Variants in TMEM120B observed in about 807,000 individuals in gnomAD.
TMEM120B encodes the protein transmembrane protein 120B.
Under a neutral mutation model 55.5 loss-of-function variants are expected in TMEM120B, and 31 were observed. That is an observed-to-expected ratio of 0.56 (90% confidence interval 0.42 to 0.75). The LOEUF (loss-of-function observed/expected upper bound fraction) is 0.75. TMEM120B is among the 30% of genes least tolerant of loss of function. TMEM120B has a pLI of 0.00. For missense variants in TMEM120B, 399 were observed against 425.5 expected (o/e 0.94, Z 0.55); for synonymous variants, 203 against 176.3 (o/e 1.15, Z -1.20).
rs1009663572 is a variant in TMEM120B, at chr12:121,761,812, G to A, written c.551+74G>A. On this transcript the variant is annotated intron_variant, in intron 6 of 11. Transcript: ENST00000449592. ...AATGTCACGAGGGGCGTCAGATGGG[G>A]GCCGACACCCTCAGGCTGCATTCCT... is the stretch of plus-strand genomic sequence containing the variant. 4.2e-6 allele frequency: 5 copies of A among 1,192,128 alleles called. No homozygotes were observed. The South Asian group carries it at 4.9e-5, about 12-fold the overall frequency. 73.8% of individuals were successfully genotyped at this position (1,192,128 alleles called of 1,614,324 possible). A position where few individuals can be genotyped will look rare whatever the true frequency, so the allele number is the denominator to read the frequency against.
intron 1 of TMEM120B, among the ~76,000 whole-genome samples, chr12:121,726,044 A>AAC (rs1555330123): frequency 4.7e-5 from 7 of 150,028 alleles, no homozygotes; most frequent in Admixed American, 6.7e-5. Flanking sequence ...TCAAAAAAAA[A>AAC]AAAACAAAAA....
At position 121,780,679 on chromosome 12, in the gene TMEM120B, T is replaced by A. The variant is rs1874417780; in HGVS notation, c.*4957T>A. ...GATGTGAACAGCGCCTGCCTCCGAG[T>A]CCTAAGGATTGGGAGTAGTCGTGTA... On this transcript the variant is annotated 3_prime_UTR_variant, in exon 12 of 12. Coordinates refer to ENST00000449592, the MANE Select transcript of TMEM120B (RefSeq NM_001080825.2). 4.7e-6 allele frequency: 3 copies of A among 640,236 alleles called. No individual in the cohort carries two copies. The African/African-American group carries it at 5.5e-5, about 12-fold the overall frequency. 39.7% of individuals were successfully genotyped at this position (640,236 alleles called of 1,614,324 possible).
chr12:121,715,051 A>G (rs1894673801), intron 1 of TMEM120B, among the ~76,000 whole-genome samples: 1 of 152,008 alleles, frequency 6.6e-6, no homozygotes, highest in South Asian at 2.1e-4. Flanking sequence ...AACACTTCAG[A>G]GTGAGGCCCA....
At chr12:121,741,376 CT>C (rs1468483789) in intron 1 of TMEM120B, among the ~76,000 whole-genome samples, 7 of 152,166 alleles carry the variant, frequency 4.6e-5, no homozygotes, top group Admixed American at 1.3e-4. Context: ...GTTGCCCAAG[CT>C]GGAGTGCAAT....
intron 8 of TMEM120B, among the ~76,000 whole-genome samples, chr12:121,772,167 T>C (rs987965345): frequency 1.3e-5 from 2 of 151,504 alleles, no homozygotes; most frequent in African/African-American, 4.9e-5. Context: ...CTTGCTCTGT[T>C]GCCCAGGCTG....
intron 1 of TMEM120B, among the ~76,000 whole-genome samples, chr12:121,735,697 T>C (rs1298713838): frequency 7.1e-6 from 1 of 139,874 alleles, no homozygotes. Flanking sequence ...GTGCCCGGCC[T>C]TTTTTTTTTT....
intron 6 of TMEM120B, among the ~76,000 whole-genome samples, chr12:121,769,501 T>C (rs1424461595): frequency 2.0e-5 from 3 of 152,068 alleles, no homozygotes; most frequent in African/African-American, 7.2e-5. Context: ...AGCCCAGGAA[T>C]TTGAGACCAG....
chr12:121,779,833 G>A lies in TMEM120B; in HGVS notation c.*4111G>A. On this transcript the variant is annotated 3_prime_UTR_variant, in exon 12 of 12. Coordinates refer to ENST00000449592, the MANE Select transcript of TMEM120B (RefSeq NM_001080825.2). ...CTCACAGTGTGTGGGTGGAATGGAG[G>A]GCCAGGGCAGTGCAGCCCGCAGGTT... 1 of 685,214 alleles carries A rather than the reference G, an allele frequency of 1.5e-6. No individual in the cohort carries two copies. The highest frequency in any genetic ancestry group is 2.4e-6 in the Non-Finnish European group (1 of 413,790). 42.4% of individuals were successfully genotyped at this position (685,214 alleles called of 1,614,324 possible). A position where few individuals can be genotyped will look rare whatever the true frequency, so the allele number is the denominator to read the frequency against.
chr12:121,757,144 G>C (rs547538003), intron 5 of TMEM120B, among the ~76,000 whole-genome samples: 13 of 151,170 alleles, frequency 8.6e-5, no homozygotes, highest in African/African-American at 1.7e-4. Flanking sequence ...GGGCGGTGGG[G>C]GGGGGGGGTG....
chr12:121,727,597 G>A (rs1039788662), intron 1 of TMEM120B, among the ~76,000 whole-genome samples: 2 of 151,162 alleles, frequency 1.3e-5, no homozygotes, highest in South Asian at 2.1e-4. Flanking sequence ...ACATTGGCCC[G>A]GTGCGGTGGC....
At chr12:121,772,442 T>C (rs1325957434) in intron 8 of TMEM120B, among the ~76,000 whole-genome samples, 11 of 143,966 alleles carry the variant, frequency 7.6e-5, no homozygotes, top group South Asian at 2.2e-4. Context: ...TTCTTTCTTT[T>C]TTTTTTTTTT....
At chr12:121,720,715 A>G (rs1894775846) in intron 1 of TMEM120B, among the ~76,000 whole-genome samples, 1 of 152,006 alleles carries the variant, frequency 6.6e-6, no homozygotes, top group South Asian at 2.1e-4. Context: ...ACTGTGTCTC[A>G]AAAGAAAAAA....
chr12:121,750,456 C>T lies in TMEM120B; in HGVS notation c.365+17C>T, dbSNP rs368957268. Reference sequence around the variant, plus strand: ...CCAGGCCAAGTAAGTGTCCCCCACCCACCACCCAGACCCACACCTCACACC... The same window carrying T: ...CCAGGCCAAGTAAGTGTCCCCCACCTACCACCCAGACCCACACCTCACACC... On this transcript the variant is annotated intron_variant, in intron 4 of 11. Coordinates refer to ENST00000449592, the MANE Select transcript of TMEM120B (RefSeq NM_001080825.2). 7.5e-6 allele frequency: 12 copies of T among 1,609,042 alleles called. No homozygotes were observed. The highest frequency in any genetic ancestry group is 1.1e-5 in the South Asian group (1 of 90,954).
At chr12:121,726,936 A>G (rs984287742) in intron 1 of TMEM120B, among the ~76,000 whole-genome samples, 1 of 139,082 alleles carries the variant, frequency 7.2e-6, no homozygotes, top group Non-Finnish European at 1.5e-5. Flanking sequence ...AAAAAAAAAA[A>G]GCTTCAGGCT....
At position 121,743,757 on chromosome 12, in the gene TMEM120B, G is replaced by A. The variant is rs754966056; in HGVS notation, c.188+10G>A. On this transcript the variant is annotated intron_variant, in intron 2 of 11. Coordinates refer to ENST00000449592, the MANE Select transcript of TMEM120B (RefSeq NM_001080825.2). ...AGCTTACACTCCAGAGGTAGGTGCA[G>A]CTGTAGCCCGGGGGCTGCCCTGGTT... The A allele has an allele frequency of 6.2e-6, 10 of 1,600,334 alleles. No homozygotes were observed. The highest frequency in any genetic ancestry group is 1.7e-5 in the Admixed American group (1 of 59,706).
chr12:121,773,489 A>C lies in TMEM120B; in HGVS notation c.748A>C (p.Arg250=), dbSNP rs746127444. The C allele has an allele frequency of 3.7e-6, 6 of 1,604,796 alleles. No homozygotes were observed. Among genetic ancestry groups the C allele is most frequent in the Non-Finnish European group, 5.1e-6 (6 of 1,175,174 alleles). The change falls in exon 9 of 12, where the codon AGG becomes CGG. Residue 250 remains arginine, a synonymous_variant. Transcript: ENST00000449592. ...CTACCGGCTGCGGGCCCTGGGGGAG[A>C]GGAACCACCTGGATCTCACAGTGGG... ...CLYRLRALGE[R]NHLDLTVEGF...
chr12:121,748,273 C>T, intron 2 of TMEM120B, 53 bp from the exon 3 acceptor site: 3 of 1,426,382 alleles, frequency 2.1e-6, no homozygotes, highest in East Asian at 2.3e-5. Flanking sequence ...AGTCCATAGC[C>T]CTCCTCCCTC....
At position 121,773,532 on chromosome 12, in the gene TMEM120B, G is replaced by T. The variant is rs762567893; in HGVS notation, c.772+19G>T. On this transcript the variant is annotated intron_variant, in intron 9 of 11. Transcript: ENST00000449592. ...ACAGTGGGTGAGTAGCTGGGCCTGG[G>T]TTGGAGCCGGGGCAGGTACTGGACC... 1.0e-4 allele frequency: 157 copies of T among 1,564,870 alleles called. No homozygotes were observed. Among genetic ancestry groups the T allele is most frequent in the Non-Finnish European group, 1.3e-4 (155 of 1,153,172 alleles).
intron 6 of TMEM120B, among the ~76,000 whole-genome samples, chr12:121,767,439 C>T (rs564650289): frequency 2.0e-5 from 3 of 152,338 alleles, no homozygotes; most frequent in East Asian, 3.9e-4. Flanking sequence ...GGATTACAGG[C>T]GTGAGCCACC....
Sources: allele counts gnomAD v4.1 joint callset (sites outside exome capture counted in the v4.1 genomes callset), GRCh38; gene constraint gnomAD v4.1.1; transcripts MANE v1.5; gene names NCBI Gene and HGNC (gene_info 2026-07-23, HGNC 2026-07-21).